IWS1: variants seen among roughly 807,000 people sequenced by gnomAD.
IWS1 encodes interacts with SUPT6H, CTD assembly factor 1.
IWS1 carries 27 observed loss-of-function variants against 86.7 expected under a neutral mutation model. The observed-to-expected ratio is 0.31, with a 90% CI of 0.23 to 0.43. The LOEUF is 0.43. Ranked by LOEUF, IWS1 falls within the 20% of genes least tolerant of loss-of-function variation. The probability of loss-of-function intolerance (pLI) is 1.00; values close to 1 mark genes in which losing one functional copy is unlikely to be tolerated. For synonymous variants in IWS1, 313 were observed against 335.1 expected (o/e 0.93, Z 0.72); for missense variants, 827 against 1,000.8 (o/e 0.83, Z 2.34).
At chr2:127,520,358 G>A (rs1158893414) in intron 2 of IWS1, among the ~76,000 whole-genome samples, 6 of 151,936 alleles carry the variant, frequency 3.9e-5, no homozygotes, top group Non-Finnish European at 5.9e-5. Flanking sequence ...TAGTAGAGAC[G>A]GGGTTTCACC....
chr2:127,499,378 C>T lies in IWS1; in HGVS notation c.1468-1141G>A, dbSNP rs931229057. ...GTGCTGGGATTACAGGCGTGAGCCACCGCGCCCGGCCAATTTTTCATTTTT... is the reference window on the plus strand; with the variant it reads ...GTGCTGGGATTACAGGCGTGAGCCATCGCGCCCGGCCAATTTTTCATTTTT... On this transcript the variant is annotated intron_variant, in intron 5 of 13. Transcript: ENST00000295321. This position sits in a 1 kb window ranked among gnomAD's most constrained non-coding sequence, Gnocchi z 4.0. Among the ~76,000 whole-genome samples the T allele has an allele frequency of 3.3e-5, 5 of 152,188 alleles. No homozygotes were observed. Among genetic ancestry groups the T allele is most frequent in the Non-Finnish European group, 7.4e-5 (5 of 68,026 alleles).
chr2:127,504,913 A>G lies in IWS1; in HGVS notation c.990T>C (p.Asp330=). The change falls in exon 3 of 14, where the codon GAT becomes GAC. Residue 330 remains aspartate (D), a synonymous_variant. Coordinates refer to ENST00000295321, the MANE Select transcript of IWS1 (RefSeq NM_017969.3). ...CCTTATTCTCCCTGTCGCTGTCATC[A>G]TCTGACTCTGGCTTCTGTTTGTGTC... The part of the protein sequence containing the change: ...ASRHKQKPES[D]DDSDRENKGE... 1.9e-6 allele frequency: 3 copies of G among 1,614,152 alleles called. No individual in the cohort carries two copies. The highest frequency in any genetic ancestry group is 2.5e-6 in the Non-Finnish European group (3 of 1,180,028).
intron 12 of IWS1, 52 bp from the exon 13 acceptor site, chr2:127,486,716 G>A (rs1338544614): frequency 1.5e-6 from 2 of 1,350,872 alleles, no homozygotes; most frequent in East Asian, 4.6e-5. Flanking sequence ...GCCACAGTGG[G>A]GCACATAGGC....
rs774461386 is a variant in IWS1 at position 127,481,204 on chromosome 2, A to G, written c.2329-29T>C. On this transcript the variant is annotated intron_variant, in intron 13 of 13. Coordinates refer to ENST00000295321, the MANE Select transcript of IWS1 (RefSeq NM_017969.3). ...AGAGTAAGGGAAAAATTAAAGAGCA[A>G]ACTACTGAAATACGTAAGTCTAGTT... The G allele has an allele frequency of 1.3e-5, 21 of 1,578,732 alleles. No individual in the cohort carries two copies. In the South Asian group the frequency reaches 2.4e-4, roughly 18 times the overall value.
At chr2:127,527,097 T>C (rs1175685279), upstream of IWS1, among the ~76,000 whole-genome samples, 1 of 152,252 alleles carries the variant, frequency 6.6e-6, no homozygotes, top group African/African-American at 2.4e-5. Flanking sequence ...CTGAGCCCTG[T>C]GTTCCTGGAA....
chr2:127,496,249 A>G lies in IWS1; in HGVS notation c.1566-101T>C, dbSNP rs1309337507. The G allele has an allele frequency of 8.2e-6, 10 of 1,224,776 alleles. No homozygotes were observed. In the East Asian group the frequency reaches 1.8e-4, roughly 22 times the overall value. The allele number at this position is 1,224,776 out of a possible 1,614,324, so 75.9% of individuals were successfully genotyped here. Reference sequence around the variant, plus strand: ...CACCAAATTTCTTAATTCTAACTCAATGAAGTGCTACCTTCTTTTAAAAGT... The same window carrying G: ...CACCAAATTTCTTAATTCTAACTCAGTGAAGTGCTACCTTCTTTTAAAAGT... On this transcript the variant is annotated intron_variant, in intron 6 of 13. Coordinates refer to ENST00000295321, the MANE Select transcript of IWS1 (RefSeq NM_017969.3).
intron 2 of IWS1, among the ~76,000 whole-genome samples, chr2:127,516,891 C>A (rs200803308): frequency 4.4e-5 from 5 of 114,030 alleles, no homozygotes; most frequent in African/African-American, 2.7e-5. Context: ...CTAAAACAAA[C>A]CCTGACAAAT....
chr2:127,495,270 T>C (rs1690454274), intron 7 of IWS1, among the ~76,000 whole-genome samples: 1 of 152,154 alleles, frequency 6.6e-6, no homozygotes, highest in Non-Finnish European at 1.5e-5. Flanking sequence ...GAAATTCTGG[T>C]TTATTATATT....
chr2:127,519,808 G>C (rs577394972), intron 2 of IWS1, among the ~76,000 whole-genome samples: 1 of 152,270 alleles, frequency 6.6e-6, no homozygotes, highest in African/African-American at 2.4e-5. Flanking sequence ...TTACAGGAGG[G>C]ATACAGGAAG....
Position 127,489,118 on chromosome 2 carries a change from A to T in IWS1, c.2216+61T>A. 2 of 1,205,676 alleles carry T rather than the reference A, an allele frequency of 1.7e-6. No individual in the cohort carries two copies. The highest frequency in any genetic ancestry group is 2.4e-6 in the Non-Finnish European group (2 of 829,538). 74.7% of individuals were successfully genotyped at this position (1,205,676 alleles called of 1,614,324 possible). A position where few individuals can be genotyped will look rare whatever the true frequency, so the allele number is the denominator to read the frequency against. On this transcript the variant is annotated intron_variant, in intron 12 of 13. Coordinates refer to ENST00000295321, the MANE Select transcript of IWS1 (RefSeq NM_017969.3). The surrounding 1 kb of genome is among the most constrained non-coding windows in gnomAD (Gnocchi z 4.8). ...CATCATTTCATTTACTACTTTTCTTAAAGCAGCAAACGGAAATTCTCTATA... is the reference window on the plus strand; with the variant it reads ...CATCATTTCATTTACTACTTTTCTTTAAGCAGCAAACGGAAATTCTCTATA...
chr2:127,483,586 T>TGGGGGGGG (rs1558736777), intron 13 of IWS1, among the ~76,000 whole-genome samples: 2 of 17,100 alleles, frequency 1.2e-4, no homozygotes, highest in Admixed American at 8.1e-4. Context: ...CGGGGGGTGG[T>TGGGGGGGG]GGGGTGGGGG....
rs752470506 is a variant in IWS1 at position 127,518,303 on chromosome 2, C to T, written c.150+5373G>A. Among the ~76,000 whole-genome samples, 4 of 152,110 alleles carry T rather than the reference C, an allele frequency of 2.6e-5. No individual in the cohort carries two copies. In the East Asian group the frequency reaches 5.8e-4, roughly 22 times the overall value. On this transcript the variant is annotated intron_variant, in intron 2 of 13. Transcript: ENST00000295321. ...GGCCAAGGCGGGCGGATGGCTTGAG[C>T]TCAGGGGCTTGACATCACCCTAGGC... is the stretch of plus-strand genomic sequence containing the variant.
intron 2 of IWS1, among the ~76,000 whole-genome samples, chr2:127,519,411 G>T (rs1191424759): frequency 6.6e-6 from 1 of 151,896 alleles, no homozygotes; most frequent in Non-Finnish European, 1.5e-5. Context: ...TAAGAAATCT[G>T]CAAAAGTTAC....
chr2:127,521,989 G>A (rs898001977), intron 2 of IWS1, among the ~76,000 whole-genome samples: 1 of 152,088 alleles, frequency 6.6e-6, no homozygotes, highest in African/African-American at 2.4e-5. Context: ...TAAATGCACT[G>A]GCTGTAACAA....
At chr2:127,507,356 T>A (rs189757294) in intron 2 of IWS1, among the ~76,000 whole-genome samples, 1 of 152,172 alleles carries the variant, frequency 6.6e-6, no homozygotes, top group African/African-American at 2.4e-5. Flanking sequence ...TTGCAAAGAG[T>A]CATTGCTATA....
At chr2:127,520,609 T>C (rs925456562) in intron 2 of IWS1, among the ~76,000 whole-genome samples, 1 of 152,236 alleles carries the variant, frequency 6.6e-6, no homozygotes, top group South Asian at 2.1e-4. Flanking sequence ...TCAACACTTA[T>C]ACACAGTACA....
intron 1 of IWS1, among the ~76,000 whole-genome samples, chr2:127,525,223 G>C (rs958755440): frequency 6.6e-6 from 1 of 152,040 alleles, no homozygotes; most frequent in African/African-American, 2.4e-5. Context: ...GCCTCCCAAA[G>C]TGCTGGGATT....
Position 127,504,926 on chromosome 2 carries a change from T to A in IWS1, c.977A>T (p.Lys326Met). 1 of 1,614,186 alleles carries A rather than the reference T, an allele frequency of 6.2e-7. No homozygotes were observed. Among genetic ancestry groups the A allele is most frequent in the East Asian group, 2.2e-5 (1 of 44,888 alleles). Reference sequence around the variant, plus strand: ...GTCGCTGTCATCATCTGACTCTGGCTTCTGTTTGTGTCTGGACGCATCCTC... The same window carrying A: ...GTCGCTGTCATCATCTGACTCTGGCATCTGTTTGTGTCTGGACGCATCCTC... ...ETEDASRHKQ[K>M]PESDDDSDRE... The change falls in exon 3 of 14, where the codon AAG (lysine) becomes ATG (methionine). Residue 326 changes from lysine (K) to methionine (M), a missense_variant. Lys to Met is a moderately conservative substitution (Grantham distance 95). Transcript: ENST00000295321.
chr2:127,494,398 A>G (rs1235435510), intron 8 of IWS1: 1 of 152,702 alleles, frequency 6.5e-6, no homozygotes, highest in Admixed American at 6.5e-5. Flanking sequence ...AGGATCTTCC[A>G]AGATTTACTA....
Sources: allele counts gnomAD v4.1 joint callset (sites outside exome capture counted in the v4.1 genomes callset), GRCh38; gene constraint gnomAD v4.1.1; non-coding constraint Gnocchi (gnomAD v3.1); transcripts MANE v1.5; gene names NCBI Gene and HGNC (gene_info 2026-07-23, HGNC 2026-07-21).